Variants in MPDZ observed in about 807,000 individuals in gnomAD.
The protein encoded by MPDZ is multiple PDZ domain protein.
Under a neutral mutation model 239.1 loss-of-function variants are expected in MPDZ, and 234 were observed. That is an observed-to-expected ratio of 0.98 (90% confidence interval 0.88 to 1.09). The LOEUF is 1.09. Among genes scored for constraint, MPDZ ranks in the 50% least tolerant of loss-of-function variants. The pLI is 0.00. For missense variants in MPDZ, 3,175 were observed against 2,510.0 expected (o/e 1.26, Z -5.66); for synonymous variants, 1,048 against 881.3 (o/e 1.19, Z -3.35).
chr9:13,187,274 G>A (rs1359998777), intron 17 of MPDZ, among the ~76,000 whole-genome samples: 1 of 151,530 alleles, frequency 6.6e-6, no homozygotes, highest in Non-Finnish European at 1.5e-5. Context: ...CGTCATAAAA[G>A]AAATTTATTT....
chr9:13,242,285 G>C (rs1436461123), intron 3 of MPDZ, among the ~76,000 whole-genome samples: 1 of 141,148 alleles, frequency 7.1e-6, no homozygotes, highest in Non-Finnish European at 1.5e-5. Context: ...GAGTGCAGTG[G>C]CGCAATCTGG....
At chr9:13,184,502 A>C (rs1051541988) in intron 18 of MPDZ, among the ~76,000 whole-genome samples, 1 of 151,932 alleles carries the variant, frequency 6.6e-6, no homozygotes, top group African/African-American at 2.4e-5. Flanking sequence ...CTTACAAAAA[A>C]CTATTAAAAA....
intron 8 of MPDZ, among the ~76,000 whole-genome samples, chr9:13,217,727 T>C (rs1470952409): frequency 6.6e-6 from 1 of 151,694 alleles, no homozygotes; most frequent in Non-Finnish European, 1.5e-5. Flanking sequence ...AATATCACTT[T>C]GGTCAACTAT....
chr9:13,202,516 G>A (rs375936114), intron 12 of MPDZ, among the ~76,000 whole-genome samples: 1 of 152,184 alleles, frequency 6.6e-6, no homozygotes, highest in Non-Finnish European at 1.5e-5. Flanking sequence ...TTATCAGAGT[G>A]CAGAATACCT....
Position 13,196,145 on chromosome 9 carries a change from A to T in MPDZ, c.1632T>A (p.Ile544=), listed in dbSNP as rs745638869. The T allele has an allele frequency of 3.1e-6, 5 of 1,600,976 alleles. No individual in the cohort carries two copies. Among genetic ancestry groups the T allele is most frequent in the Non-Finnish European group, 4.3e-6 (5 of 1,172,624 alleles). Residue 544 remains isoleucine (I), a synonymous_variant, in exon 13 of 47, where the codon ATT becomes ATA. Coordinates refer to ENST00000319217, the MANE Select transcript of MPDZ (RefSeq NM_001378778.1). Reference sequence around the variant, plus strand: ...CCACTATTTCATAGTTAATTCCCATAATCCTTTGCCATTTTGTCAGCAGAG... The same window carrying T: ...CCACTATTTCATAGTTAATTCCCATTATCCTTTGCCATTTTGTCAGCAGAG... The part of the protein sequence containing the change: ...EAALLTKWQR[I]MGINYEIVVA...
At chr9:13,108,492 T>C (rs1194352142) in intron 46 of MPDZ, among the ~76,000 whole-genome samples, 1 of 152,144 alleles carries the variant, frequency 6.6e-6, no homozygotes, top group Non-Finnish European at 1.5e-5. Context: ...ATTAAATTTA[T>C]AAAATAAATG....
At chr9:13,231,814 T>C (rs57081571) in intron 3 of MPDZ, among the ~76,000 whole-genome samples, 10,365 of 151,938 alleles carry the variant, frequency 0.068, 590 homozygotes, top group African/African-American at 0.16. Flanking sequence ...AAGCTATAGA[T>C]CATAAACATA....
At position 13,119,197 on chromosome 9, in the gene MPDZ, C is replaced by A. The variant is rs191314413; in HGVS notation, c.5379+305G>T. ...ACCCCAGACTCATGCGATCCTCCCA[C>A]CTCAGCCTTCTGAGTAGCTGGGACT... On this transcript the variant is annotated intron_variant, in intron 39 of 46. Coordinates refer to ENST00000319217, the MANE Select transcript of MPDZ (RefSeq NM_001378778.1). Among the ~76,000 whole-genome samples the A allele has an allele frequency of 3.4e-3, 517 of 152,298 alleles. 2 individuals carry two copies. The highest frequency in any genetic ancestry group is 0.012 in the African/African-American group (483 of 41,562).
intron 12 of MPDZ, among the ~76,000 whole-genome samples, chr9:13,201,759 G>A (rs1358897016): frequency 6.6e-6 from 1 of 151,620 alleles, no homozygotes; most frequent in Non-Finnish European, 1.5e-5. Flanking sequence ...TCTAAGGTTT[G>A]TATCTTTTAT....
intron 3 of MPDZ, among the ~76,000 whole-genome samples, chr9:13,236,267 A>T (rs1490472790): frequency 3.5e-4 from 7 of 20,102 alleles, no homozygotes; most frequent in African/African-American, 1.1e-3. Context: ...ATATATATAT[A>T]TTTTTTTTTT....
intron 35 of MPDZ, among the ~76,000 whole-genome samples, chr9:13,124,051 A>G (rs192204898): frequency 1.8e-3 from 281 of 152,354 alleles, no homozygotes; most frequent in Non-Finnish European, 2.9e-3. Context: ...GCATACAGCA[A>G]ATAGCATGTT....
rs200092543 is a variant in MPDZ at position 13,175,785 on chromosome 9, T to C, written c.3022A>G (p.Thr1008Ala). 5.5e-5 allele frequency: 86 copies of C among 1,572,786 alleles called. 2 individuals carry two copies. In the East Asian group the frequency reaches 1.9e-3, roughly 34 times the overall value. Residue 1008 changes from threonine (T) to alanine (A), a missense_variant, in exon 21 of 47, where the codon ACT becomes GCT. By Grantham distance (58) the Thr-to-Ala change is moderately conservative. Transcript: ENST00000319217. ...QNVSKESFERTINIAKGNSSL... is the reference protein window; with the variant it reads ...QNVSKESFERAINIAKGNSSL... ...GAATTGCCTTTTGCTATATTAATAG[T>C]CCTTTCAAAAGATTCTTTAGATACA... is the stretch of plus-strand genomic sequence containing the variant.
intron 22 of MPDZ, among the ~76,000 whole-genome samples, chr9:13,167,705 AAGT>A (rs1353137245): frequency 6.6e-6 from 1 of 152,148 alleles, no homozygotes; most frequent in Non-Finnish European, 1.5e-5. Flanking sequence ...TGTCACAATA[AAGT>A]AATGAGCTGA....
intron 25 of MPDZ, 36 bp from the exon 26 acceptor site, chr9:13,147,694 T>A: frequency 6.6e-7 from 1 of 1,509,076 alleles, no homozygotes; most frequent in South Asian, 1.2e-5. Context: ...ATTTCAAGAA[T>A]CTATAGAACA....
Position 13,143,465 on chromosome 9 carries a change from C to T in MPDZ, c.3840+1G>A, listed in dbSNP as rs1448390501. On this transcript the variant is annotated splice_donor_variant, in intron 27 of 46. Transcript: ENST00000319217. LOFTEE classifies it high-confidence loss of function. Reference sequence around the variant, plus strand: ...CAGCAAGACAATGGGCATTATCCAACCTTGTCGGCGTTGATTTGTAGAGAG... The same window carrying T: ...CAGCAAGACAATGGGCATTATCCAATCTTGTCGGCGTTGATTTGTAGAGAG... 6 of 1,609,778 alleles carry T rather than the reference C, an allele frequency of 3.7e-6. No homozygotes were observed. Among genetic ancestry groups the T allele is most frequent in the Middle Eastern group, 3.3e-4 (2 of 6,064 alleles).
chr9:13,258,778 T>C (rs1053058384), intron 1 of MPDZ, among the ~76,000 whole-genome samples: 2 of 152,198 alleles, frequency 1.3e-5, no homozygotes, highest in African/African-American at 4.8e-5. Context: ...TATTTTCAAG[T>C]AGACATTTAT....
At chr9:13,219,841 G>C (rs1156756614) in intron 7 of MPDZ, 73 bp from the exon 8 acceptor site, 1 of 1,438,062 alleles carries the variant, frequency 7.0e-7, no homozygotes, top group East Asian at 2.4e-5. Context: ...AATGAGAAGG[G>C]ATTAATTTTA....
intron 10 of MPDZ, among the ~76,000 whole-genome samples, chr9:13,207,622 T>C (rs1400509014): frequency 6.6e-6 from 1 of 152,246 alleles, no homozygotes; most frequent in Non-Finnish European, 1.5e-5. Flanking sequence ...TACCTTGATG[T>C]CTTTGACTGC....
In MPDZ at chr9:13,224,459, T is replaced by G. The variant is rs771797871; in HGVS notation, c.308A>C (p.Glu103Ala). The G allele has an allele frequency of 6.2e-7, 1 of 1,612,898 alleles. No homozygotes were observed. Among genetic ancestry groups the G allele is most frequent in the African/African-American group, 1.3e-5 (1 of 74,850 alleles). Residue 103 changes from glutamate (E) to alanine (A), a missense_variant, in exon 4 of 47, where the codon GAA becomes GCA. Transcript: ENST00000319217. Reference protein sequence around the residue: ...FLLSPNNGNLEALTGPGIPHI... With the variant: ...FLLSPNNGNLAALTGPGIPHI... ...TGGAATACCAGGTCCTGTAAGTGCT[T>G]CCAGATTCCCATTGTTTGGGGATAA...
Sources: allele counts gnomAD v4.1 joint callset (sites outside exome capture counted in the v4.1 genomes callset), GRCh38; gene constraint gnomAD v4.1.1; transcripts MANE v1.5; gene names NCBI Gene and HGNC (gene_info 2026-07-23, HGNC 2026-07-21).